The following HCN1 variants were observed in gnomAD, a reference collection of about 807,000 sequenced individuals.
The protein encoded by HCN1 is hyperpolarization activated cyclic nucleotide gated potassium channel 1.
Under a neutral mutation model 78.9 loss-of-function variants are expected in HCN1, and 13 were observed. The observed-to-expected ratio is 0.16, with a 90% CI of 0.11 to 0.26. The LOEUF (loss-of-function observed/expected upper bound fraction) is 0.26. Ranked by LOEUF, HCN1 falls within the 10% of genes least tolerant of loss-of-function variation. The probability of loss-of-function intolerance (pLI) is 1.00; values close to 1 mark genes in which losing one functional copy is unlikely to be tolerated. For synonymous variants in HCN1, 552 were observed against 455.5 expected, an observed-to-expected ratio of 1.21 and a Z score of -2.70; for missense variants, 810 against 1,154.3, an observed-to-expected ratio of 0.70 and a Z score of 4.32.
intron 2 of HCN1, among the ~76,000 whole-genome samples, chr5:45,563,573 T>C (rs1050462697): frequency 6.6e-6 from 1 of 152,158 alleles, no homozygotes; most frequent in African/African-American, 2.4e-5. Context: ...AGACTTACAA[T>C]AGAATTCCTA....
intron 2 of HCN1, among the ~76,000 whole-genome samples, chr5:45,487,888 G>A (rs937592136): frequency 1.6e-4 from 24 of 151,836 alleles, no homozygotes; most frequent in African/African-American, 4.8e-5. Flanking sequence ...GAAACAGAAG[G>A]GTTTCGATCT....
At chr5:45,395,893 T>C (rs949704904) in intron 4 of HCN1, among the ~76,000 whole-genome samples, 8 of 152,214 alleles carry the variant, frequency 5.3e-5, no homozygotes, top group African/African-American at 2.4e-5. Flanking sequence ...ATTTACTTTT[T>C]CTCTCTCTTG....
Position 45,262,195 on chromosome 5 carries a change from A to C in HCN1, c.2399T>G (p.Leu800Arg). 1 of 1,614,066 alleles carries C rather than the reference A, an allele frequency of 6.2e-7. No homozygotes were observed. Among genetic ancestry groups the C allele is most frequent in the Non-Finnish European group, 8.5e-7 (1 of 1,180,034 alleles). Residue 800 changes from leucine to arginine, a missense_variant, in exon 8 of 8, where the codon CTG becomes CGG. Transcript: ENST00000303230. ...CACAGTGGGATGAGGTCTGGAAATC[A>C]GAGTGGACACCTCATGGGGCAGCGA... Reference protein sequence around the residue: ...QPSLPHEVSTLISRPHPTVGE... With the variant: ...QPSLPHEVSTRISRPHPTVGE...
rs117517588 is a variant in HCN1 at position 45,257,198 on chromosome 5, A to G, written c.*4723T>C. The G allele has an allele frequency of 2.0e-4, 31 of 152,316 alleles. No individual in the cohort carries two copies. The East Asian group carries it at 5.4e-3, about 27-fold the overall frequency. The allele number at this position is 152,316 out of a possible 1,614,324, so 9.4% of individuals were successfully genotyped here. ...GTTGATAAGCTTAAATTAAGAATAT[A>G]AAGTACAACACTGTAAAACCTTTGC... On this transcript the variant is annotated 3_prime_UTR_variant, in exon 8 of 8. Transcript: ENST00000303230.
chr5:45,332,068 A>G lies in HCN1; in HGVS notation c.1377+21032T>C, dbSNP rs143215555. 2.6e-3 allele frequency among the ~76,000 whole-genome samples: 397 copies of G among 151,638 alleles called. 1 individual carries two copies. Among genetic ancestry groups the G allele is most frequent in the African/African-American group, 9.1e-3 (376 of 41,498 alleles). ...ATACATATGTTCTTTAATGGTTCTG[A>G]TTTTAAACTCTGGAAAACAGTATTG... is the stretch of plus-strand genomic sequence containing the variant. On this transcript the variant is annotated intron_variant, in intron 5 of 7. Coordinates refer to ENST00000303230, the MANE Select transcript of HCN1 (RefSeq NM_021072.4).
intron 6 of HCN1, among the ~76,000 whole-genome samples, chr5:45,277,841 AT>A (rs910320683): frequency 6.6e-6 from 1 of 152,088 alleles, no homozygotes; most frequent in African/African-American, 2.4e-5. Flanking sequence ...AATCATACCC[AT>A]TGTTGGGGAG....
intron 1 of HCN1, among the ~76,000 whole-genome samples, chr5:45,653,482 C>T (rs921637890): frequency 8.6e-5 from 13 of 152,020 alleles, no homozygotes; most frequent in Admixed American, 3.3e-4. Context: ...AAATTAAATG[C>T]CAATCATCTT....
chr5:45,611,269 C>CTTTTTTTTTTTTTTTT (rs1054830050), intron 2 of HCN1, among the ~76,000 whole-genome samples: 3 of 113,732 alleles, frequency 2.6e-5, no homozygotes, highest in Non-Finnish European at 5.6e-5. Context: ...TTATCTTTTT[C>CTTTTTTTTTTTTTTTT]TTTTTTTTTT....
intron 4 of HCN1, among the ~76,000 whole-genome samples, chr5:45,369,501 C>T (rs548813787): frequency 1.3e-5 from 2 of 152,188 alleles, no homozygotes. Flanking sequence ...TGTCCTTGCT[C>T]ACTCAGCCCC....
intron 4 of HCN1, among the ~76,000 whole-genome samples, chr5:45,374,328 ATATACAT>A (rs1053133899): frequency 7.3e-6 from 1 of 136,804 alleles, no homozygotes; most frequent in East Asian, 2.1e-4. Context: ...TATATACATT[ATATACAT>A]TATATATATA....
intron 3 of HCN1, among the ~76,000 whole-genome samples, chr5:45,433,942 G>T (rs1740513842): frequency 6.6e-6 from 1 of 152,066 alleles, no homozygotes; most frequent in South Asian, 2.1e-4. Context: ...AAAAATAGTT[G>T]GTTTATCCTT....
intron 2 of HCN1, among the ~76,000 whole-genome samples, chr5:45,484,743 A>T (rs2111683797): frequency 6.6e-6 from 1 of 152,272 alleles, no homozygotes; most frequent in African/African-American, 2.4e-5. Flanking sequence ...GCTAAACCTA[A>T]TCCTAATTGA....
chr5:45,610,342 A>G (rs980526823), intron 2 of HCN1, among the ~76,000 whole-genome samples: 3 of 152,028 alleles, frequency 2.0e-5, no homozygotes, highest in Admixed American at 2.0e-4. Context: ...CAATAAATAC[A>G]ACTGTGGATA....
chr5:45,494,143 A>ATTTCCAG (rs1207986870), intron 2 of HCN1, among the ~76,000 whole-genome samples: 4 of 152,058 alleles, frequency 2.6e-5, no homozygotes, highest in African/African-American at 9.7e-5. Context: ...GTTAAATGGT[A>ATTTCCAG]TTTCCAGTTC....
At chr5:45,354,927 G>C (rs1337794559) in intron 4 of HCN1, among the ~76,000 whole-genome samples, 1 of 152,024 alleles carries the variant, frequency 6.6e-6, no homozygotes, top group Admixed American at 6.6e-5. Flanking sequence ...TGGGAAATTA[G>C]TGCTTGTATG....
intron 2 of HCN1, among the ~76,000 whole-genome samples, chr5:45,531,895 C>T (rs1742859554): frequency 6.6e-6 from 1 of 152,040 alleles, no homozygotes. Flanking sequence ...AAAAGAACAG[C>T]CAGGCGAGGC....
intron 5 of HCN1, among the ~76,000 whole-genome samples, chr5:45,332,418 C>G (rs1579817145): frequency 6.6e-6 from 1 of 151,234 alleles, no homozygotes; most frequent in African/African-American, 2.4e-5. Flanking sequence ...CTGTTAAATA[C>G]TAGATCTTAT....
chr5:45,594,173 G>GA (rs967820025), intron 2 of HCN1, among the ~76,000 whole-genome samples: 4 of 152,020 alleles, frequency 2.6e-5, no homozygotes, highest in South Asian at 2.1e-4. Context: ...GGCTCAGAGG[G>GA]AAAAAAGTGT....
At chr5:45,332,559 C>T (rs1179941058) in intron 5 of HCN1, among the ~76,000 whole-genome samples, 2 of 151,038 alleles carry the variant, frequency 1.3e-5, no homozygotes, top group Non-Finnish European at 3.0e-5. Context: ...TTTTCAGATG[C>T]CAGAAATAAG....
Sources: allele counts gnomAD v4.1 joint callset (sites outside exome capture counted in the v4.1 genomes callset), GRCh38; gene constraint gnomAD v4.1.1; transcripts MANE v1.5; gene names NCBI Gene and HGNC (gene_info 2026-07-23, HGNC 2026-07-21).